Variants in ANK2 observed in about 807,000 individuals in gnomAD.
The protein encoded by ANK2 is ankyrin-2.
Under a neutral mutation model 360.5 loss-of-function variants are expected in ANK2, and 83 were observed. The ratio of observed to expected loss-of-function variants is 0.23; its 90% CI spans 0.19 to 0.28. The LOEUF (loss-of-function observed/expected upper bound fraction) is 0.28. Among genes scored for constraint, ANK2 ranks in the 10% least tolerant of loss-of-function variants. ANK2 has a pLI of 1.00. For missense variants in ANK2, 4,201 were observed against 4,795.7 expected (o/e 0.88, Z 3.66); for synonymous variants, 1,740 against 1,759.5 (o/e 0.99, Z 0.28).
chr4:112,929,104 C>T (rs2092907822), intron 2 of ANK2, among the ~76,000 whole-genome samples: 1 of 152,320 alleles, frequency 6.6e-6, no homozygotes, highest in East Asian at 1.9e-4. Context: ...CTGCCTGCCT[C>T]AGCCTCCCAA....
At chr4:112,928,883 C>T (rs937761078) in intron 2 of ANK2, among the ~76,000 whole-genome samples, 54 of 144,314 alleles carry the variant, frequency 3.7e-4, no homozygotes, top group African/African-American at 1.4e-3. Flanking sequence ...GACAGAGTCT[C>T]GCTGTGTGGC....
chr4:112,778,676 C>T, the ANK2 span, among the ~76,000 whole-genome samples: 2 of 152,066 alleles, frequency 1.3e-5, no homozygotes, highest in African/African-American at 2.4e-5. Context: ...GGTGTCAATT[C>T]GAACCAATCG....
chr4:113,344,020 T>G (rs2094557536), intron 34 of ANK2, among the ~76,000 whole-genome samples: 1 of 152,204 alleles, frequency 6.6e-6, no homozygotes, highest in South Asian at 2.1e-4. Context: ...TATTAAGTTT[T>G]TCCAAGATCT....
chr4:112,913,320 T>C (rs2088414719), intron 2 of ANK2, among the ~76,000 whole-genome samples: 1 of 152,236 alleles, frequency 6.6e-6, no homozygotes, highest in Admixed American at 6.5e-5. Flanking sequence ...CTAGTATAAT[T>C]ATTTTTCCTG....
intron 26 of ANK2, among the ~76,000 whole-genome samples, chr4:113,326,931 A>G (rs1431029504): frequency 6.6e-6 from 1 of 152,102 alleles, no homozygotes; most frequent in Middle Eastern, 3.2e-3. Context: ...TTGAGCCCCG[A>G]AGGTCAAGGT....
Position 112,957,220 on chromosome 4 carries a change from ACGAGCATGCTGCCTT to A in ANK2, c.21+52708_21+52722del, listed in dbSNP as rs776940558. Among the ~76,000 whole-genome samples the A allele has an allele frequency of 6.5e-3, 981 of 151,396 alleles. 4 individuals carry two copies. Among genetic ancestry groups the A allele is most frequent in the Admixed American group, 0.011 (172 of 15,232 alleles). On this transcript the variant is annotated intron_variant, in intron 2 of 30. Transcript: ENST00000503271. The stretch of plus-strand genomic sequence containing the variant: ...GATTAGGGAGTGGTGATGACTCTTA[ACGAGCATGCTGCCTT>A]CAAGCATCTGTTTAACAAAGCACAT...
intron 22 of ANK2, among the ~76,000 whole-genome samples, chr4:113,296,322 A>G (rs2071408168): frequency 6.6e-6 from 1 of 152,192 alleles, no homozygotes. Flanking sequence ...ACTACTGATG[A>G]TAGCACAATA....
intron 2 of ANK2, among the ~76,000 whole-genome samples, chr4:112,920,610 A>G (rs941821908): frequency 6.6e-6 from 1 of 152,222 alleles, no homozygotes; most frequent in African/African-American, 2.4e-5. Flanking sequence ...TATAAATTGA[A>G]CATTAATATT....
At chr4:113,261,358 CA>C (rs2052804102) in intron 13 of ANK2, among the ~76,000 whole-genome samples, 3 of 152,248 alleles carry the variant, frequency 2.0e-5, no homozygotes, top group African/African-American at 7.2e-5. Context: ...CAAGGTCTTA[CA>C]AAGTTTTATC....
chr4:112,814,175 A>G (rs2055483846), upstream of ANK2, among the ~76,000 whole-genome samples: 1 of 152,224 alleles, frequency 6.6e-6, no homozygotes, highest in Non-Finnish European at 1.5e-5. Context: ...CCTAAACACT[A>G]TTACTTTGAA....
intron 2 of ANK2, among the ~76,000 whole-genome samples, chr4:113,187,579 G>A (rs2098553823): frequency 6.6e-6 from 1 of 152,174 alleles, no homozygotes; most frequent in African/African-American, 2.4e-5. Flanking sequence ...TGGAACTTTA[G>A]CAACACAGGA....
At chr4:112,727,413 A>C in the ANK2 span, among the ~76,000 whole-genome samples, 5 of 152,100 alleles carry the variant, frequency 3.3e-5, no homozygotes, top group Non-Finnish European at 5.9e-5. Context: ...TACACCTTAA[A>C]GAACTAGAAA....
intron 1 of ANK2, among the ~76,000 whole-genome samples, chr4:113,134,103 A>G (rs1327362597): frequency 1.3e-5 from 2 of 152,046 alleles, no homozygotes; most frequent in Non-Finnish European, 2.9e-5. Flanking sequence ...TAGCACCTCC[A>G]ATGATCAAAA....
chr4:112,827,525 GC>G (rs2058661424), intron 1 of ANK2: 1 of 1,194,942 alleles, frequency 8.4e-7, no homozygotes, highest in African/African-American at 1.5e-5. Context: ...ACAAGAATCT[GC>G]CTCAGGGACT....
chr4:112,874,499 G>A (rs151305413), intron 1 of ANK2, among the ~76,000 whole-genome samples: 30,707 of 151,272 alleles, frequency 0.2, 3,209 homozygotes, highest in Non-Finnish European at 0.22. Context: ...AAAATTAGCT[G>A]GGTGTGCTGG....
At chr4:113,071,515 T>G (rs1164901970) in intron 1 of ANK2, among the ~76,000 whole-genome samples, 1 of 152,176 alleles carries the variant, frequency 6.6e-6, no homozygotes, top group Non-Finnish European at 1.5e-5. Flanking sequence ...GAGACTCAAC[T>G]CAAATCCACC....
At chr4:113,269,464 A>G (rs896319479) in intron 14 of ANK2, among the ~76,000 whole-genome samples, 1 of 152,246 alleles carries the variant, frequency 6.6e-6, no homozygotes, top group Non-Finnish European at 1.5e-5. Flanking sequence ...AATGCGTAGT[A>G]TCTGGGCCAG....
At chr4:113,033,420 G>A (rs1432936110) in intron 2 of ANK2, among the ~76,000 whole-genome samples, 2 of 151,892 alleles carry the variant, frequency 1.3e-5, no homozygotes, top group East Asian at 3.9e-4. Flanking sequence ...GTAATGGCAT[G>A]ATAGGGGAAA....
intron 1 of ANK2, among the ~76,000 whole-genome samples, chr4:113,089,889 A>G (rs1286737861): frequency 6.6e-6 from 1 of 152,200 alleles, no homozygotes; most frequent in Admixed American, 6.5e-5. Context: ...TCCTGTTCAT[A>G]GGGCATATAA....
Sources: allele counts gnomAD v4.1 joint callset (sites outside exome capture counted in the v4.1 genomes callset), GRCh38; gene constraint gnomAD v4.1.1; transcripts MANE v1.5; gene names NCBI Gene and HGNC (gene_info 2026-07-23, HGNC 2026-07-21).